The following PRKAG2 variants were observed in gnomAD, a reference collection of about 807,000 sequenced individuals.
PRKAG2 encodes the protein protein kinase AMP-activated non-catalytic subunit gamma 2.
In PRKAG2, 26 loss-of-function variants were observed where a neutral mutation model predicts 69.6. The observed-to-expected ratio is 0.37, with a 90% CI of 0.27 to 0.52. The LOEUF (loss-of-function observed/expected upper bound fraction) is 0.52. PRKAG2 is among the 20% of genes least tolerant of loss of function. The pLI, the probability that PRKAG2 is intolerant of heterozygous loss-of-function variation, is 0.90. For synonymous variants in PRKAG2, 293 were observed against 285.0 expected (o/e 1.03, Z -0.28); for missense variants, 557 against 740.0 (o/e 0.75, Z 2.87).
chr7:151,750,822 AG>A (rs1472442842), intron 3 of PRKAG2, among the ~76,000 whole-genome samples: 1 of 151,932 alleles, frequency 6.6e-6, no homozygotes, highest in Non-Finnish European at 1.5e-5. Flanking sequence ...CAGAGGTTGC[AG>A]TGAGCCAAGA....
chr7:151,849,407 A>G (rs903745703), intron 1 of PRKAG2, among the ~76,000 whole-genome samples: 9 of 152,180 alleles, frequency 5.9e-5, no homozygotes, highest in African/African-American at 2.2e-4. Flanking sequence ...TCCGTGCCTC[A>G]GTTTCTCCAT....
intron 5 of PRKAG2, among the ~76,000 whole-genome samples, chr7:151,609,047 T>C (rs1818170154): frequency 6.6e-6 from 1 of 152,188 alleles, no homozygotes; most frequent in African/African-American, 2.4e-5. Flanking sequence ...TGAAACAGCA[T>C]TGATCTAAAT....
chr7:151,665,691 A>T (rs1830951175), intron 4 of PRKAG2, among the ~76,000 whole-genome samples: 1 of 152,196 alleles, frequency 6.6e-6, no homozygotes, highest in Admixed American at 6.5e-5. Flanking sequence ...GTTGTGAGTC[A>T]CAGACTATAG....
At position 151,827,797 on chromosome 7, in the gene PRKAG2, G is replaced by T. The variant is rs1414464549; in HGVS notation, c.115-41256C>A. Among the ~76,000 whole-genome samples the T allele has an allele frequency of 3.5e-5, 5 of 144,846 alleles. No homozygotes were observed. In the East Asian group the frequency reaches 1.0e-3, roughly 30 times the overall value. The stretch of plus-strand genomic sequence containing the variant: ...AAACTGCCTTGCTGTAGCCTGTCGT[G>T]GTATGACTTCCAATGCCAGAGCCTA... On this transcript the variant is annotated intron_variant, in intron 1 of 15. Coordinates refer to ENST00000287878, the MANE Select transcript of PRKAG2 (RefSeq NM_016203.4).
At chr7:151,694,475 C>T (rs906144024) in intron 3 of PRKAG2, among the ~76,000 whole-genome samples, 2 of 152,170 alleles carry the variant, frequency 1.3e-5, no homozygotes, top group Admixed American at 6.5e-5. Flanking sequence ...CAACCCCTGG[C>T]AACCATCTTC....
At chr7:151,722,332 G>A (rs1340872473) in intron 3 of PRKAG2, among the ~76,000 whole-genome samples, 1 of 152,148 alleles carries the variant, frequency 6.6e-6, no homozygotes, top group African/African-American at 2.4e-5. Context: ...ACATGGCACT[G>A]CCTGCCAACC....
At chr7:151,713,320 C>A (rs2151613290) in intron 3 of PRKAG2, among the ~76,000 whole-genome samples, 1 of 152,304 alleles carries the variant, frequency 6.6e-6, no homozygotes, top group East Asian at 1.9e-4. Context: ...TTCCCCCCAC[C>A]CAAAGCAGAC....
intron 3 of PRKAG2, among the ~76,000 whole-genome samples, chr7:151,736,941 C>A (rs916408274): frequency 6.6e-6 from 1 of 152,162 alleles, no homozygotes; most frequent in African/African-American, 2.4e-5. Context: ...AATGGTAGAA[C>A]CAGGACTGGA....
chr7:151,665,188 C>A (rs1238327119), intron 4 of PRKAG2, among the ~76,000 whole-genome samples: 1 of 152,154 alleles, frequency 6.6e-6, no homozygotes, highest in African/African-American at 2.4e-5. Flanking sequence ...ATGATCTCAA[C>A]TGTCTCTGAG....
At chr7:151,855,082 CCA>C (rs878932388) in intron 1 of PRKAG2, among the ~76,000 whole-genome samples, 592 of 52,748 alleles carry the variant, frequency 0.011, 8 homozygotes, top group Non-Finnish European at 0.014. Flanking sequence ...ACACCATCCT[CCA>C]CACACACCAT....
At chr7:151,790,698 A>G (rs2077235944) in intron 1 of PRKAG2, 1 of 152,234 alleles carries the variant, frequency 6.6e-6, no homozygotes. Flanking sequence ...TGGGTCTCTT[A>G]TCGCCCATTT....
chr7:151,814,905 C>T lies in PRKAG2; in HGVS notation c.115-28364G>A. ...CACAGCAAGCCAGCAGGAGGGAGGGCTGGACCGGAGCTTTTAAAAAGACAG... is the reference window on the plus strand; with the variant it reads ...CACAGCAAGCCAGCAGGAGGGAGGGTTGGACCGGAGCTTTTAAAAAGACAG... On this transcript the variant is annotated intron_variant, in intron 1 of 15. Transcript: ENST00000287878. This position sits in a 1 kb window ranked among gnomAD's most constrained non-coding sequence, Gnocchi z 4.8. The T allele has an allele frequency of 2.4e-6, 3 of 1,227,904 alleles. No homozygotes were observed. The highest frequency in any genetic ancestry group is 8.4e-5 in the South Asian group (2 of 23,848). The allele number at this position is 1,227,904 out of a possible 1,614,324, so 76.1% of individuals were successfully genotyped here.
At chr7:151,559,981 T>C in intron 15 of PRKAG2, 1 of 985,394 alleles carries the variant, frequency 1.0e-6, no homozygotes, top group Non-Finnish European at 1.2e-6. Context: ...CCTCACTGTC[T>C]GAGACTCTGA....
At chr7:151,654,278 C>T (rs1829070284) in intron 4 of PRKAG2, among the ~76,000 whole-genome samples, 1 of 152,152 alleles carries the variant, frequency 6.6e-6, no homozygotes, top group Non-Finnish European at 1.5e-5. Flanking sequence ...AGCAAGCCAT[C>T]CCCTGGCCCG....
chr7:151,751,046 G>A (rs903381078), intron 3 of PRKAG2, among the ~76,000 whole-genome samples: 3 of 150,910 alleles, frequency 2.0e-5, no homozygotes, highest in Non-Finnish European at 4.4e-5. Context: ...CTATTTTCAT[G>A]TCTTTTGAGG....
chr7:151,839,411 T>C (rs556205101), intron 1 of PRKAG2, among the ~76,000 whole-genome samples: 16 of 152,318 alleles, frequency 1.1e-4, no homozygotes, highest in African/African-American at 3.4e-4. Context: ...CTGACCTCTT[T>C]AGGCCTCAGT....
At chr7:151,695,708 C>T (rs1243835249) in intron 3 of PRKAG2, among the ~76,000 whole-genome samples, 1 of 152,244 alleles carries the variant, frequency 6.6e-6, no homozygotes, top group Non-Finnish European at 1.5e-5. Context: ...GAATGGGCCA[C>T]CTCCCCTGGG....
rs76782023 is a variant in PRKAG2 at position 151,559,822 on chromosome 7, G to C, written c.1678+702C>G. The C allele has an allele frequency of 8.9e-4, 877 of 985,344 alleles. 9 individuals carry two copies. In the African/African-American group the frequency reaches 0.014, roughly 15 times the overall value. The allele number at this position is 985,344 out of a possible 1,614,324, so 61.0% of individuals were successfully genotyped here. ...GGCTGGGTTGTTCATATTTGACTGGGGCTGGGGAGGTGGAGGGATGGGAAG... is the reference window on the plus strand; with the variant it reads ...GGCTGGGTTGTTCATATTTGACTGGCGCTGGGGAGGTGGAGGGATGGGAAG... On this transcript the variant is annotated intron_variant, in intron 15 of 15. Coordinates refer to ENST00000287878, the MANE Select transcript of PRKAG2 (RefSeq NM_016203.4).
At chr7:151,873,829 CACATCACTCA>C (rs1382581672) in intron 1 of PRKAG2, among the ~76,000 whole-genome samples, 2 of 152,168 alleles carry the variant, frequency 1.3e-5, no homozygotes, top group African/African-American at 4.8e-5. Context: ...GGCACGCCCA[CACATCACTCA>C]CACCCTGCAT....
Sources: gnomAD v4.1 joint callset for allele counts (sites outside exome capture counted in the v4.1 genomes callset) on GRCh38, gnomAD v4.1.1 for gene constraint, Gnocchi (gnomAD v3.1) non-coding constraint, MANE v1.5 for transcripts, NCBI Gene and HGNC (gene_info 2026-07-23, HGNC 2026-07-21) for gene names.